The following ZNF705A variants were observed in gnomAD, a reference collection of about 807,000 sequenced individuals.
ZNF705A encodes zinc finger protein 705A.
A neutral mutation model predicts 16.6 loss-of-function variants in ZNF705A; 8 were observed. That is an observed-to-expected ratio of 0.48 (90% CI 0.28 to 0.87). ZNF705A has a LOEUF of 0.87. Among genes scored for constraint, ZNF705A ranks in the 40% least tolerant of loss-of-function variants. ZNF705A has a pLI of 0.10. For missense variants in ZNF705A, 233 were observed against 359.9 expected, an observed-to-expected ratio of 0.65 and a Z score of 2.85; for synonymous variants, 73 against 117.3, an observed-to-expected ratio of 0.62 and a Z score of 2.44.
upstream of ZNF705A, among the ~76,000 whole-genome samples, chr12:8,171,686 A>C (rs1440580264): frequency 1.3e-5 from 2 of 152,102 alleles, no homozygotes; most frequent in Non-Finnish European, 2.9e-5. Context: ...GCAGGATGGG[A>C]GTGTTGACCC....
In ZNF705A at chr12:8,177,170, C is replaced by T. The variant is rs763599114; in HGVS notation, c.490C>T (p.Gln164Ter). ...TCTTTTCTCCCCTAAACCACATAAACAAATTCATACTAAAGGTAAATCATA... is the reference window on the plus strand; with the variant it reads ...TCTTTTCTCCCCTAAACCACATAAATAAATTCATACTAAAGGTAAATCATA... The change falls in exon 5 of 5, where the codon CAA (glutamine) becomes TAA (stop). Residue 164 changes from glutamine (Q) to a stop codon, truncating the protein, a stop_gained. Transcript: ENST00000359286. LOFTEE classifies it low-confidence loss of function (END_TRUNC). 3 of 1,611,820 alleles carry T rather than the reference C, an allele frequency of 1.9e-6. No homozygotes were observed. The highest frequency in any genetic ancestry group is 1.7e-5 in the Admixed American group (1 of 59,988).
At chr12:8,162,301 A>C (rs1303188752) in intron 1 of ZNF705A, among the ~76,000 whole-genome samples, 1 of 152,208 alleles carries the variant, frequency 6.6e-6, no homozygotes, top group African/African-American at 2.4e-5. Context: ...TGTTTGCACT[A>C]AATCAAGTCT....
chr12:8,172,778 G>A, intron 1 of ZNF705A, 141 bp downstream of exon 2: 2 of 1,399,898 alleles, frequency 1.4e-6, no homozygotes, highest in Non-Finnish European at 1.9e-6. Flanking sequence ...CCTAGCCTGG[G>A]TATTCCAAAT....
chr12:8,159,720 G>A (rs1948337993), intron 1 of ZNF705A, among the ~76,000 whole-genome samples: 1 of 152,064 alleles, frequency 6.6e-6, no homozygotes, highest in South Asian at 2.1e-4. Flanking sequence ...GTAGATTCTG[G>A]ATATTAGTCC....
chr12:8,167,325 C>A (rs1027572540), intron 1 of ZNF705A, among the ~76,000 whole-genome samples: 1 of 152,180 alleles, frequency 6.6e-6, no homozygotes, highest in African/African-American at 2.4e-5. Flanking sequence ...TGGTTTCCAA[C>A]TTTGTGTGAG....
chr12:8,169,048 T>G (rs1948422848), upstream of ZNF705A, among the ~76,000 whole-genome samples: 1 of 152,212 alleles, frequency 6.6e-6, no homozygotes, highest in African/African-American at 2.4e-5. Flanking sequence ...TAAAATAGAT[T>G]TCTCCCTTGA....
upstream of ZNF705A, among the ~76,000 whole-genome samples, chr12:8,169,570 A>G (rs1948427915): frequency 6.6e-6 from 1 of 152,224 alleles, no homozygotes; most frequent in Admixed American, 6.5e-5. Context: ...GATGTCATTC[A>G]ACATTGTATA....
At chr12:8,157,288 G>T (rs1176143556) in intron 1 of ZNF705A, among the ~76,000 whole-genome samples, 196 bp downstream of exon 1, 1 of 152,128 alleles carries the variant, frequency 6.6e-6, no homozygotes, top group Non-Finnish European at 1.5e-5. Context: ...AAAGAATCAG[G>T]AAGCAATCTA....
At chr12:8,162,823 C>T (rs757119882) in intron 1 of ZNF705A, among the ~76,000 whole-genome samples, 38 of 152,334 alleles carry the variant, frequency 2.5e-4, no homozygotes, top group African/African-American at 9.1e-4. Context: ...ACTTCCCAGA[C>T]TTTACTAGCA....
At chr12:8,160,063 C>T (rs1308882678) in intron 1 of ZNF705A, among the ~76,000 whole-genome samples, 1 of 152,090 alleles carries the variant, frequency 6.6e-6, no homozygotes, top group Non-Finnish European at 1.5e-5. Flanking sequence ...TATCCCAGCA[C>T]CATTTGTTGA....
rs1327103889 is a variant in ZNF705A at position 8,175,855 on chromosome 12, T to G, written c.236-5T>G. Reference sequence around the variant, plus strand: ...ATGTAACAATTTATTTTTCAATTATTTCAGACAGGGAAAGTGCCCTTAAGA... The same window carrying G: ...ATGTAACAATTTATTTTTCAATTATGTCAGACAGGGAAAGTGCCCTTAAGA... On this transcript the variant is annotated splice_region_variant and splice_polypyrimidine_tract_variant and intron_variant, in intron 3 of 4. Transcript: ENST00000359286. 4.3e-6 allele frequency: 7 copies of G among 1,611,314 alleles called. No individual in the cohort carries two copies. Among genetic ancestry groups the G allele is most frequent in the Non-Finnish European group, 5.9e-6 (7 of 1,179,452 alleles).
chr12:8,170,883 A>G (rs1948440209), upstream of ZNF705A, among the ~76,000 whole-genome samples: 1 of 152,242 alleles, frequency 6.6e-6, no homozygotes, highest in Admixed American at 6.5e-5. Context: ...GTAAATGTGC[A>G]TTAAATGTGG....
intron 1 of ZNF705A, among the ~76,000 whole-genome samples, chr12:8,161,348 T>C (rs777338873): frequency 6.2e-4 from 95 of 152,120 alleles, no homozygotes; most frequent in Admixed American, 1.0e-3. Context: ...CCCTCTTTCT[T>C]TATCCTGTGG....
In ZNF705A at chr12:8,165,496, G is replaced by A. The variant is rs182039940; in HGVS notation, c.-71-7059G>A. Reference sequence around the variant, plus strand: ...TTTTTAGTGGAGACAAGGTTTCATCGTGTTAGCCAGATCTTTGCCCATTTA... The same window carrying A: ...TTTTTAGTGGAGACAAGGTTTCATCATGTTAGCCAGATCTTTGCCCATTTA... On this transcript the variant is annotated intron_variant, in intron 1 of 5. Transcript: ENST00000396570. 3.5e-3 allele frequency among the ~76,000 whole-genome samples: 402 copies of A among 116,518 alleles called. 1 individual carries two copies. The highest frequency in any genetic ancestry group is 0.011 in the African/African-American group (342 of 31,066). The allele number at this position is 116,518 out of a possible 152,430, so 76.4% of individuals were successfully genotyped here.
chr12:8,174,273 C>G (rs548088760), intron 1 of ZNF705A, 53 bp from the exon 3 acceptor site: 3 of 1,595,752 alleles, frequency 1.9e-6, no homozygotes, highest in Non-Finnish European at 2.5e-6. Context: ...CTTCCTCTTC[C>G]GGACATTGAA....
upstream of ZNF705A, among the ~76,000 whole-genome samples, chr12:8,170,850 T>A (rs1565415198): frequency 6.6e-6 from 1 of 152,120 alleles, no homozygotes; most frequent in Non-Finnish European, 1.5e-5. Context: ...AAAGTTGATA[T>A]TGAAAAGTGC....
At chr12:8,172,403 G>A (rs1357900994), upstream of ZNF705A, 9 of 649,910 alleles carry the variant, frequency 1.4e-5, no homozygotes, top group African/African-American at 5.5e-5. Flanking sequence ...TTTTGACCAC[G>A]GGAAAAGAGG....
exon 5 of ZNF705A, chr12:8,177,879 A>G: frequency 2.0e-6 from 1 of 509,514 alleles, no homozygotes. Flanking sequence ...TCTTCAGTCC[A>G]CATCAATAAA....
At chr12:8,167,111 T>C (rs1199463541) in intron 1 of ZNF705A, among the ~76,000 whole-genome samples, 1 of 152,228 alleles carries the variant, frequency 6.6e-6, no homozygotes, top group Admixed American at 6.5e-5. Flanking sequence ...TTTATATCTA[T>C]TCACCTTCCA....
Sources: allele counts gnomAD v4.1 joint callset (sites outside exome capture counted in the v4.1 genomes callset), GRCh38; gene constraint gnomAD v4.1.1; transcripts MANE v1.5; gene names NCBI Gene and HGNC (gene_info 2026-07-23, HGNC 2026-07-21).